The following KIR2DL3 variants were observed in gnomAD, a reference collection of about 807,000 sequenced individuals.
The protein encoded by KIR2DL3 is killer cell immunoglobulin-like receptor 2DL3.
A neutral mutation model predicts 33.8 loss-of-function variants in KIR2DL3; 39 were observed. The observed-to-expected ratio is 1.15, with a 90% CI of 0.89 to 1.51. The LOEUF (loss-of-function observed/expected upper bound fraction) is 1.51, where lower values mean the gene tolerates loss of function less well. KIR2DL3 is among the 40% of genes most tolerant of loss of function. The pLI is 0.00. For synonymous variants in KIR2DL3, 174 were observed against 160.2 expected (o/e 1.09, Z -0.65); for missense variants, 462 against 426.2 (o/e 1.08, Z -0.74).
In KIR2DL3 at chr19:54,745,556, G is replaced by T. The variant is rs533992629; in HGVS notation, c.664+1468G>T. ...TTTTGTTTTTTTTAGTATAGATGGG[G>T]TTTCCCCATGTTGGCTGGGCTGCTC... On this transcript the variant is annotated intron_variant, in intron 4 of 7. Transcript: ENST00000342376. 5.0e-4 allele frequency among the ~76,000 whole-genome samples: 76 copies of T among 150,810 alleles called. No individual in the cohort carries two copies. In the East Asian group the frequency reaches 0.013, roughly 25 times the overall value.
At chr19:54,746,699 T>A (rs2072540532) in intron 4 of KIR2DL3, among the ~76,000 whole-genome samples, 1 of 150,466 alleles carries the variant, frequency 6.6e-6, no homozygotes, top group Non-Finnish European at 1.5e-5. Context: ...GTCCATTGGA[T>A]GGGCTGGGCA....
chr19:54,744,950 A>T (rs1439430969), intron 4 of KIR2DL3, among the ~76,000 whole-genome samples: 11 of 26,790 alleles, frequency 4.1e-4, no homozygotes, highest in African/African-American at 6.8e-4. Context: ...ATATATATAT[A>T]TATATTTTTT....
chr19:54,738,600 G>T, intron 1 of KIR2DL3, 21 bp downstream of exon 1: 2 of 1,614,026 alleles, frequency 1.2e-6, no homozygotes, highest in Middle Eastern at 1.6e-4. Context: ...GAAGGGCATC[G>T]AGGGAGGGAG....
intron 5 of KIR2DL3, among the ~76,000 whole-genome samples, chr19:54,749,364 C>A (rs1262996548): frequency 0.051 from 6,360 of 124,968 alleles, 150 homozygotes; most frequent in Middle Eastern, 0.092. Context: ...GCAATTGCCA[C>A]CCCACTGGTG....
intron 3 of KIR2DL3, among the ~76,000 whole-genome samples, chr19:54,743,253 A>T (rs2071524713): frequency 6.6e-6 from 1 of 152,070 alleles, no homozygotes; most frequent in African/African-American, 2.4e-5. Context: ...ATACATAGAG[A>T]TGATGATGAT....
Position 54,743,784 on chromosome 19 carries a change from T to C in KIR2DL3, c.371-11T>C. On this transcript the variant is annotated splice_polypyrimidine_tract_variant and intron_variant, in intron 3 of 7. Transcript: ENST00000342376. ...AGATCCTCCGTAAGGAAAATGCCTCTTCTCCTCCAGGTCTATATGAGAAAC... is the reference window on the plus strand; with the variant it reads ...AGATCCTCCGTAAGGAAAATGCCTCCTCTCCTCCAGGTCTATATGAGAAAC... The C allele has an allele frequency of 6.4e-7, 1 of 1,560,390 alleles. No individual in the cohort carries two copies. Among genetic ancestry groups the C allele is most frequent in the South Asian group, 1.2e-5 (1 of 86,198 alleles).
At position 54,743,856 on chromosome 19, in the gene KIR2DL3, C is replaced by T. The variant is rs373149242; in HGVS notation, c.432C>T (p.Ser144=). The part of the protein sequence containing the change: ...QPGPTVLAGE[S]VTLSCSSRSS... ...GCCCCACGGTTCTGGCAGGAGAGAG[C>T]GTGACCTTGTCCTGCAGCTCCCGGA... The change falls in exon 4 of 8, where the codon AGC becomes AGT. Residue 144 remains serine, a synonymous_variant. Transcript: ENST00000342376. The T allele has an allele frequency of 8.2e-5, 132 of 1,613,192 alleles. No individual in the cohort carries two copies. The highest frequency in any genetic ancestry group is 5.5e-4 in the South Asian group (50 of 90,996).
intron 1 of KIR2DL3, among the ~76,000 whole-genome samples, chr19:54,738,906 TG>T (rs2070358055): frequency 1.7e-5 from 2 of 121,124 alleles, no homozygotes; most frequent in Non-Finnish European, 1.7e-5. Context: ...GATATGGGCC[TG>T]GAGTGGAGAT....
chr19:54,744,895 TATACACACACACAC>T (rs2072065910), intron 4 of KIR2DL3, among the ~76,000 whole-genome samples: 1 of 64,608 alleles, frequency 1.5e-5, no homozygotes, highest in Non-Finnish European at 3.3e-5. Context: ...TATATATATA[TATACACACACACAC>T]ACATATATAA....
At chr19:54,743,025 A>T (rs1349266828) in intron 3 of KIR2DL3, among the ~76,000 whole-genome samples, 3 of 151,910 alleles carry the variant, frequency 2.0e-5, no homozygotes, top group Non-Finnish European at 4.4e-5. Flanking sequence ...GGGAGCAGAG[A>T]AAAGCACTAA....
intron 4 of KIR2DL3, among the ~76,000 whole-genome samples, chr19:54,745,508 G>T (rs1175616440): frequency 6.6e-6 from 1 of 151,060 alleles, no homozygotes; most frequent in African/African-American, 2.4e-5. Context: ...GATTACAGGT[G>T]CACGCCACCA....
At chr19:54,750,441 G>A (rs368974151) in intron 5 of KIR2DL3, among the ~76,000 whole-genome samples, 7 of 140,396 alleles carry the variant, frequency 5.0e-5, no homozygotes, top group East Asian at 2.0e-4. Context: ...AGAGTAGCAC[G>A]TTTCACACGG....
intron 4 of KIR2DL3, among the ~76,000 whole-genome samples, chr19:54,746,652 C>A (rs1259621192): frequency 4.7e-5 from 7 of 149,026 alleles, no homozygotes; most frequent in African/African-American, 1.7e-4. Flanking sequence ...AAAAGACTGT[C>A]CTTTCCTGAT....
intron 2 of KIR2DL3, 112 bp downstream of exon 2, chr19:54,739,654 T>A: frequency 6.4e-7 from 1 of 1,569,064 alleles, no homozygotes; most frequent in East Asian, 2.3e-5. Context: ...GAGAGGACCC[T>A]GGGGTGCTCA....
intron 5 of KIR2DL3, among the ~76,000 whole-genome samples, chr19:54,750,714 C>G: frequency 7.2e-6 from 1 of 139,200 alleles, no homozygotes; most frequent in Non-Finnish European, 1.6e-5. Context: ...ACAGAACACA[C>G]AGAGAATACA....
chr19:54,744,882 A>ATG lies in KIR2DL3; in HGVS notation c.664+795_664+796insGT, dbSNP rs1432924167. ...GTCATAAATACATTTATATATATAT[A>ATG]TATATATATATATATACACACACAC... is the stretch of plus-strand genomic sequence containing the variant. On this transcript the variant is annotated intron_variant, in intron 4 of 7. Coordinates refer to ENST00000342376, the MANE Select transcript of KIR2DL3 (RefSeq NM_015868.3). 6.1e-3 allele frequency among the ~76,000 whole-genome samples: 537 copies of ATG among 87,598 alleles called. 4 individuals are homozygous for ATG. The highest frequency in any genetic ancestry group is 0.024 in the African/African-American group (507 of 20,926). The allele number at this position is 87,598 out of a possible 152,430, so 57.5% of individuals were successfully genotyped here. A position where few individuals can be genotyped will look rare whatever the true frequency, so the allele number is the denominator to read the frequency against.
At chr19:54,741,278 T>G (rs2071041515) in intron 2 of KIR2DL3, among the ~76,000 whole-genome samples, 1 of 151,026 alleles carries the variant, frequency 6.6e-6, no homozygotes, top group Non-Finnish European at 1.5e-5. Context: ...AGACAGAGGT[T>G]GCAGTGAGCC....
chr19:54,740,516 C>G (rs2070839183), intron 2 of KIR2DL3, among the ~76,000 whole-genome samples: 1 of 151,668 alleles, frequency 6.6e-6, no homozygotes, highest in Non-Finnish European at 1.5e-5. Context: ...AGTGGGTGGT[C>G]AGCACCCAGC....
At chr19:54,740,646 C>T (rs2070876185) in intron 2 of KIR2DL3, among the ~76,000 whole-genome samples, 1 of 151,740 alleles carries the variant, frequency 6.6e-6, no homozygotes, top group South Asian at 2.1e-4. Context: ...CACGCAGGCC[C>T]TGACTGTATT....
Sources: allele counts gnomAD v4.1 joint callset (sites outside exome capture counted in the v4.1 genomes callset), GRCh38; gene constraint gnomAD v4.1.1; transcripts MANE v1.5; gene names NCBI Gene and HGNC (gene_info 2026-07-23, HGNC 2026-07-21).